PABPC4L: variants seen among roughly 807,000 people sequenced by gnomAD.
PABPC4L encodes the protein poly(A) binding protein cytoplasmic 4 like, also known as polyadenylate-binding protein 4-like.
For synonymous variants in PABPC4L, 169 were observed against 164.1 expected, an observed-to-expected ratio of 1.03 and a Z score of -0.23; for missense variants, 452 against 451.4, an observed-to-expected ratio of 1.00 and a Z score of -0.01.
chr4:134,147,749 G>GTTGTTGT, the PABPC4L span, among the ~76,000 whole-genome samples: 94 of 149,038 alleles, frequency 6.3e-4, no homozygotes, highest in African/African-American at 1.4e-3. Flanking sequence ...GTGTGTGTGT[G>GTTGTTGT]TGTTGTTGTT....
chr4:134,039,816 T>C, the PABPC4L span, among the ~76,000 whole-genome samples: 1 of 151,996 alleles, frequency 6.6e-6, no homozygotes, highest in East Asian at 1.9e-4. Context: ...ATTTAGCCCA[T>C]TTACATTTAA....
At chr4:134,185,647 C>T in the PABPC4L span, among the ~76,000 whole-genome samples, 1 of 152,134 alleles carries the variant, frequency 6.6e-6, no homozygotes, top group African/African-American at 2.4e-5. Flanking sequence ...TGCCCTCTCT[C>T]ACCACTCCTA....
At chr4:133,981,145 A>G in the PABPC4L span, among the ~76,000 whole-genome samples, 2 of 147,770 alleles carry the variant, frequency 1.4e-5, no homozygotes, top group Non-Finnish European at 3.0e-5. Flanking sequence ...TCTGCGACAG[A>G]GCAAGACTCC....
chr4:134,036,910 G>A, the PABPC4L span, among the ~76,000 whole-genome samples: 1 of 151,930 alleles, frequency 6.6e-6, no homozygotes, highest in Non-Finnish European at 1.5e-5. Flanking sequence ...GCAGAAATTA[G>A]CCAGGTGTTG....
chr4:134,081,938 G>T, the PABPC4L span, among the ~76,000 whole-genome samples: 42 of 152,126 alleles, frequency 2.8e-4, no homozygotes, highest in African/African-American at 9.4e-4. Flanking sequence ...AATAATAATA[G>T]AAGAGTTCAC....
chr4:133,990,735 C>T, the PABPC4L span, among the ~76,000 whole-genome samples: 15 of 151,928 alleles, frequency 9.9e-5, no homozygotes, highest in Non-Finnish European at 1.8e-4. Flanking sequence ...ACATTGCCGA[C>T]CCCCCCAGTA....
the PABPC4L span, among the ~76,000 whole-genome samples, chr4:134,068,679 T>C: frequency 6.6e-6 from 1 of 152,046 alleles, no homozygotes; most frequent in Admixed American, 6.6e-5. Context: ...TATTTCTATA[T>C]TTAGCACTCC....
the PABPC4L span, among the ~76,000 whole-genome samples, chr4:134,080,084 T>A: frequency 6.6e-6 from 1 of 152,248 alleles, no homozygotes; most frequent in East Asian, 1.9e-4. Context: ...TTGCTGGAAA[T>A]AATAATAGCT....
the PABPC4L span, among the ~76,000 whole-genome samples, chr4:134,020,723 A>G: frequency 1.5e-4 from 23 of 152,118 alleles, no homozygotes; most frequent in African/African-American, 4.3e-4. Flanking sequence ...GGAACTATAC[A>G]TTAGGCCAAA....
At chr4:134,041,701 C>T in the PABPC4L span, among the ~76,000 whole-genome samples, 3 of 151,682 alleles carry the variant, frequency 2.0e-5, no homozygotes, top group Non-Finnish European at 4.4e-5. Flanking sequence ...CTCTCCAGAA[C>T]TTATAGTATA....
the PABPC4L span, among the ~76,000 whole-genome samples, chr4:134,088,916 G>C: frequency 6.6e-6 from 1 of 152,032 alleles, no homozygotes; most frequent in Admixed American, 6.6e-5. Flanking sequence ...ACCTGACCTT[G>C]AATGGCTCAC....
At chr4:133,962,305 A>G in the PABPC4L span, among the ~76,000 whole-genome samples, 2 of 152,236 alleles carry the variant, frequency 1.3e-5, no homozygotes, top group Non-Finnish European at 2.9e-5. Context: ...CTTGAAAAAG[A>G]ATTCAGGAGC....
chr4:134,136,573 T>C, the PABPC4L span, among the ~76,000 whole-genome samples: 105,617 of 151,856 alleles, frequency 0.7, 38,076 homozygotes, highest in East Asian at 1. Flanking sequence ...AGTTTTATTA[T>C]ATTCTTTAGG....
chr4:133,981,139 C>T, the PABPC4L span, among the ~76,000 whole-genome samples: 27,032 of 150,274 alleles, frequency 0.18, 3,013 homozygotes, highest in Middle Eastern at 0.26. Flanking sequence ...CCAGCCTCTG[C>T]GACAGAGCAA....
At chr4:134,031,148 T>C in the PABPC4L span, among the ~76,000 whole-genome samples, 1 of 152,088 alleles carries the variant, frequency 6.6e-6, no homozygotes, top group Non-Finnish European at 1.5e-5. Context: ...CCAGTTCTCC[T>C]AGATATCCAT....
the PABPC4L span, among the ~76,000 whole-genome samples, chr4:134,068,123 G>T: frequency 3.9e-5 from 6 of 152,076 alleles, no homozygotes; most frequent in African/African-American, 1.4e-4. Context: ...GTGGAGTGCT[G>T]AAGTCTCTCA....
chr4:133,966,160 A>G, the PABPC4L span, among the ~76,000 whole-genome samples: 1 of 152,188 alleles, frequency 6.6e-6, no homozygotes. Context: ...GGACATGAAT[A>G]GATATTCTCA....
At chr4:134,101,643 G>A in the PABPC4L span, among the ~76,000 whole-genome samples, 1 of 151,288 alleles carries the variant, frequency 6.6e-6, no homozygotes, top group Non-Finnish European at 1.5e-5. Flanking sequence ...TACAGCTGTG[G>A]GAATTAACAA....
chr4:133,979,726 C>G, the PABPC4L span, among the ~76,000 whole-genome samples: 1 of 151,964 alleles, frequency 6.6e-6, no homozygotes, highest in Non-Finnish European at 1.5e-5. Context: ...AATATCAGGC[C>G]TCATGTGACT....
Sources: allele counts gnomAD v4.1 joint callset (sites outside exome capture counted in the v4.1 genomes callset), GRCh38; gene constraint gnomAD v4.1.1; transcripts MANE v1.5; gene names NCBI Gene and HGNC (gene_info 2026-07-23, HGNC 2026-07-21).